The following SNX10 variants were observed in gnomAD, a reference collection of about 807,000 sequenced individuals.
SNX10 encodes sorting nexin 10.
SNX10 carries 25 observed loss-of-function variants against 28.5 expected under a neutral mutation model. That is an observed-to-expected ratio of 0.88 (90% CI 0.64 to 1.22). SNX10 has a LOEUF of 1.22. Among genes scored for constraint, SNX10 ranks in the 50% most tolerant of loss-of-function variants. The pLI is 0.00. For synonymous variants in SNX10, 62 were observed against 81.4 expected, an observed-to-expected ratio of 0.76 and a Z score of 1.28; for missense variants, 223 against 242.6, an observed-to-expected ratio of 0.92 and a Z score of 0.54.
At chr7:26,324,488 TAACTGGGACTACAGGTGCACA>T (rs1303234159) in intron 1 of SNX10, among the ~76,000 whole-genome samples, 1 of 152,130 alleles carries the variant, frequency 6.6e-6, no homozygotes, top group Non-Finnish European at 1.5e-5. Flanking sequence ...GCCTCCCAAG[TAACTGGGACTACAGGTGCACA>T]TACCACACCT....
At chr7:26,347,182 C>G (rs914303870) in intron 2 of SNX10, among the ~76,000 whole-genome samples, 4 of 152,234 alleles carry the variant, frequency 2.6e-5, no homozygotes, top group Admixed American at 2.6e-4. Flanking sequence ...CCAGCTCACC[C>G]TGCACAAGTG....
At chr7:26,325,862 AT>A (rs1787486317) in intron 1 of SNX10, among the ~76,000 whole-genome samples, 1 of 150,936 alleles carries the variant, frequency 6.6e-6, no homozygotes, top group South Asian at 2.1e-4. Context: ...CGAGTAGCTG[AT>A]ACTACAGGTG....
At chr7:26,294,594 A>G (rs1470771036) in intron 1 of SNX10, among the ~76,000 whole-genome samples, 1 of 152,234 alleles carries the variant, frequency 6.6e-6, no homozygotes, top group Non-Finnish European at 1.5e-5. Flanking sequence ...AGATTCTGTT[A>G]CTGTCTTCAG....
chr7:26,325,135 A>G (rs1787449614), intron 1 of SNX10, among the ~76,000 whole-genome samples: 1 of 151,234 alleles, frequency 6.6e-6, no homozygotes, highest in African/African-American at 2.4e-5. Flanking sequence ...CTCCAAGATG[A>G]CCTTTTTCTG....
chr7:26,365,425 T>G (rs1429011909), intron 5 of SNX10, among the ~76,000 whole-genome samples: 2 of 152,202 alleles, frequency 1.3e-5, no homozygotes, highest in African/African-American at 4.8e-5. Flanking sequence ...TACCTGGGCG[T>G]TTAGCTGACA....
intron 1 of SNX10, among the ~76,000 whole-genome samples, chr7:26,341,782 G>A (rs1430570104): frequency 1.3e-5 from 2 of 152,076 alleles, no homozygotes; most frequent in Non-Finnish European, 2.9e-5. Flanking sequence ...ACCACACCCA[G>A]CCCTCTATGT....
chr7:26,351,654 TTTTTG>T (rs767424820), intron 2 of SNX10, among the ~76,000 whole-genome samples: 13,108 of 97,306 alleles, frequency 0.13, 903 homozygotes, highest in South Asian at 0.35. Flanking sequence ...TGGTTTTTTT[TTTTTG>T]TTTTTTTTTT....
At chr7:26,344,072 A>T (rs1397460708) in intron 1 of SNX10, among the ~76,000 whole-genome samples, 1 of 149,434 alleles carries the variant, frequency 6.7e-6, no homozygotes, top group Admixed American at 6.7e-5. Flanking sequence ...GATCTCCTGA[A>T]CTCTTTTCAT....
chr7:26,349,268 G>A (rs3801887), intron 2 of SNX10, among the ~76,000 whole-genome samples: 15,570 of 152,004 alleles, frequency 0.1, 935 homozygotes, highest in South Asian at 0.15. Flanking sequence ...TACCATCCTC[G>A]TAACAAGATT....
intron 1 of SNX10, among the ~76,000 whole-genome samples, chr7:26,321,722 A>C (rs983304055): frequency 1.4e-4 from 21 of 151,674 alleles, no homozygotes; most frequent in African/African-American, 5.1e-4. Context: ...TCCTTACTTC[A>C]TTATCTTCTC....
At chr7:26,359,485 C>T (rs940117951) in intron 2 of SNX10, among the ~76,000 whole-genome samples, 122 of 152,230 alleles carry the variant, frequency 8.0e-4, no homozygotes, top group African/African-American at 2.8e-3. Flanking sequence ...CAGCATTGAA[C>T]TCCCAATCTT....
chr7:26,368,885 T>C (rs993965065), intron 5 of SNX10, among the ~76,000 whole-genome samples: 1 of 152,176 alleles, frequency 6.6e-6, no homozygotes, highest in Non-Finnish European at 1.5e-5. Flanking sequence ...TATGTATATA[T>C]ATCATTGTAT....
intron 1 of SNX10, among the ~76,000 whole-genome samples, chr7:26,336,717 A>G (rs1052083019): frequency 1.4e-4 from 21 of 152,016 alleles, no homozygotes; most frequent in Admixed American, 6.5e-4. Context: ...AATAACAACA[A>G]AAAATCAACA....
At chr7:26,336,844 A>G (rs1303977953) in intron 1 of SNX10, among the ~76,000 whole-genome samples, 1 of 152,108 alleles carries the variant, frequency 6.6e-6, no homozygotes, top group African/African-American at 2.4e-5. Flanking sequence ...CCGCTTATGG[A>G]CGTTTAGGTT....
Position 26,373,211 on chromosome 7 carries a change from T to TAATATA in SNX10, c.*640_*641insATATAA, listed in dbSNP as rs1789645782. On this transcript the variant is annotated 3_prime_UTR_variant, in exon 7 of 7. Transcript: ENST00000338523. The surrounding 1 kb of genome is among the most constrained non-coding windows in gnomAD (Gnocchi z 4.2). ...GTTTACATCTTAGAAAAAACATAGA[T>TAATATA]AGTGCTAGTAATATTACTTATAACT... is the stretch of plus-strand genomic sequence containing the variant. 1 of 152,126 alleles carries TAATATA rather than the reference T, an allele frequency of 6.6e-6. No homozygotes were observed. Among genetic ancestry groups the TAATATA allele is most frequent in the African/African-American group, 2.4e-5 (1 of 41,444 alleles). 9.4% of individuals were successfully genotyped at this position (152,126 alleles called of 1,614,324 possible).
chr7:26,323,528 AAG>A (rs1274517467), intron 1 of SNX10, among the ~76,000 whole-genome samples: 2 of 152,084 alleles, frequency 1.3e-5, no homozygotes, highest in African/African-American at 4.8e-5. Context: ...AGAGGAGAGG[AAG>A]AGAGTGGAAG....
chr7:26,349,426 C>G (rs1788511196), intron 2 of SNX10, among the ~76,000 whole-genome samples: 1 of 150,164 alleles, frequency 6.7e-6, no homozygotes, highest in Admixed American at 6.7e-5. Context: ...TGTAATAAAT[C>G]TAGAAAGAGG....
intron 1 of SNX10, among the ~76,000 whole-genome samples, chr7:26,328,740 G>C (rs2128003611): frequency 6.6e-6 from 1 of 152,242 alleles, no homozygotes; most frequent in East Asian, 1.9e-4. Context: ...TACAGAAGTG[G>C]GGAGAATGCC....
intron 1 of SNX10, among the ~76,000 whole-genome samples, chr7:26,316,189 A>C (rs1787079643): frequency 6.6e-6 from 1 of 151,974 alleles, no homozygotes; most frequent in Non-Finnish European, 1.5e-5. Flanking sequence ...CTCAAAAAAA[A>C]AAAAAAAACA....
Sources: gnomAD v4.1 joint callset for allele counts (sites outside exome capture counted in the v4.1 genomes callset) on GRCh38, gnomAD v4.1.1 for gene constraint, Gnocchi (gnomAD v3.1) non-coding constraint, MANE v1.5 for transcripts, NCBI Gene and HGNC (gene_info 2026-07-23, HGNC 2026-07-21) for gene names.